Variants in TPGS2 observed in about 807,000 individuals in gnomAD.
TPGS2 encodes the protein polyglutamylase subunit 2.
TPGS2 carries 26 observed loss-of-function variants against 31.1 expected under a neutral mutation model. That is an observed-to-expected ratio of 0.84 (90% CI 0.61 to 1.16). TPGS2 has a LOEUF of 1.16. Among genes scored for constraint, TPGS2 ranks in the 50% most tolerant of loss-of-function variants. TPGS2 has a pLI of 0.00. For missense variants in TPGS2, 351 were observed against 363.8 expected, an observed-to-expected ratio of 0.96 and a Z score of 0.29; for synonymous variants, 130 against 136.6, an observed-to-expected ratio of 0.95 and a Z score of 0.34.
chr18:36,827,178 T>C (rs2046188542), intron 1 of TPGS2, among the ~76,000 whole-genome samples: 1 of 152,116 alleles, frequency 6.6e-6, no homozygotes, highest in Non-Finnish European at 1.5e-5. Context: ...ATTAATTGAT[T>C]TTCATATGTT....
In TPGS2 at chr18:36,828,773, G is replaced by C. The variant is rs372716752; in HGVS notation, c.-6C>G. On this transcript the variant is annotated 5_prime_UTR_variant, in exon 1 of 7. Coordinates refer to ENST00000334295, the MANE Select transcript of TPGS2 (RefSeq NM_015476.4). ...GACGATGCCTCCTCCTCCATGGCTC[G>C]CGACCGCGATTCGCGCGCGGCGGGA... The C allele has an allele frequency of 2.5e-6, 4 of 1,612,670 alleles. No individual in the cohort carries two copies. In the Admixed American group the frequency reaches 5.0e-5, roughly 20 times the overall value.
chr18:36,794,446 C>A lies in TPGS2; in HGVS notation c.*2359G>T, dbSNP rs1006205437. ...GACACCGCTGACCTCCTGGTTCCTC[C>A]GCTGCTTCACTTGTGGAATCCAGGG... On this transcript the variant is annotated 3_prime_UTR_variant, in exon 7 of 7. Coordinates refer to ENST00000334295, the MANE Select transcript of TPGS2 (RefSeq NM_015476.4). The A allele has an allele frequency of 2.0e-6, 2 of 985,454 alleles. No homozygotes were observed. The highest frequency in any genetic ancestry group is 2.3e-4 in the East Asian group (2 of 8,800). 61.0% of individuals were successfully genotyped at this position (985,454 alleles called of 1,614,324 possible).
chr18:36,793,085 G>A (rs1383381030), downstream of TPGS2, among the ~76,000 whole-genome samples: 1 of 152,172 alleles, frequency 6.6e-6, no homozygotes, highest in Non-Finnish European at 1.5e-5. Context: ...AGCTTCATGG[G>A]TGGGTGACCT....
Position 36,796,348 on chromosome 18 carries a change from T to A in TPGS2, c.*457A>T. The A allele has an allele frequency of 1.0e-6, 1 of 974,544 alleles. No individual in the cohort carries two copies. The highest frequency in any genetic ancestry group is 4.8e-5 in the South Asian group (1 of 21,024). The allele number at this position is 974,544 out of a possible 1,614,324, so 60.4% of individuals were successfully genotyped here. On this transcript the variant is annotated 3_prime_UTR_variant, in exon 7 of 7. Transcript: ENST00000334295. Reference sequence around the variant, plus strand: ...CAGAATCTACCAGCCACATGAATACTCAAAATGTGGCTAATGCAATTGAAG... The same window carrying A: ...CAGAATCTACCAGCCACATGAATACACAAAATGTGGCTAATGCAATTGAAG...
At chr18:36,815,036 AT>A (rs1232291559) in intron 2 of TPGS2, among the ~76,000 whole-genome samples, 2 of 152,186 alleles carry the variant, frequency 1.3e-5, no homozygotes, top group East Asian at 3.9e-4. Flanking sequence ...ATCTGAATGT[AT>A]TTATGCAGCT....
rs60958340 is a variant in TPGS2 at position 36,794,832 on chromosome 18, A to AACACACACACACACACACACACACACAC, written c.*1945_*1972dup. ...TATGTGACAGTCATGTTATGGTTAA[A>AACACACACACACACACACACACACACAC]ACACACACACACACACACACACACA... On this transcript the variant is annotated 3_prime_UTR_variant, in exon 7 of 7. Transcript: ENST00000334295. The AACACACACACACACACACACACACACAC allele has an allele frequency of 1.3e-6, 1 of 760,022 alleles. No individual in the cohort carries two copies. The highest frequency in any genetic ancestry group is 2.0e-5 in the African/African-American group (1 of 48,960). 47.1% of individuals were successfully genotyped at this position (760,022 alleles called of 1,614,324 possible).
Position 36,794,996 on chromosome 18 carries a change from C to A in TPGS2, c.*1809G>T. On this transcript the variant is annotated 3_prime_UTR_variant, in exon 7 of 7. Coordinates refer to ENST00000334295, the MANE Select transcript of TPGS2 (RefSeq NM_015476.4). ...GTTAATACGAAGCTCAGTTTATGCT[C>A]CCAAAGACTCTTAAGCGCTGATATT... 1.0e-6 allele frequency: 1 copy of A among 985,330 alleles called. No homozygotes were observed. Among genetic ancestry groups the A allele is most frequent in the Non-Finnish European group, 1.2e-6 (1 of 829,936 alleles). The allele number at this position is 985,330 out of a possible 1,614,324, so 61.0% of individuals were successfully genotyped here.
At position 36,799,876 on chromosome 18, in the gene TPGS2, T is replaced by C. The variant is rs2044719461; in HGVS notation, c.496+322A>G. Reference sequence around the variant, plus strand: ...TAGAAGTATAAAAGATAATGTGTTTTCTGGATGCTTATCTAGTACATGAAC... The same window carrying C: ...TAGAAGTATAAAAGATAATGTGTTTCCTGGATGCTTATCTAGTACATGAAC... On this transcript the variant is annotated intron_variant, in intron 5 of 6. Coordinates refer to ENST00000334295, the MANE Select transcript of TPGS2 (RefSeq NM_015476.4). 2.8e-5 allele frequency among the ~76,000 whole-genome samples: 4 copies of C among 145,098 alleles called. No homozygotes were observed. In the South Asian group the frequency reaches 8.7e-4, roughly 32 times the overall value.
chr18:36,828,603 C>A, intron 1 of TPGS2, 80 bp downstream of exon 1: 1 of 1,501,172 alleles, frequency 6.7e-7, no homozygotes, highest in South Asian at 1.2e-5. Flanking sequence ...CAGCGTCGCA[C>A]CGCTCACCCC....
chr18:36,807,829 A>G lies in TPGS2; in HGVS notation c.253+18T>C. 1 of 1,612,148 alleles carries G rather than the reference A, an allele frequency of 6.2e-7. No homozygotes were observed. The highest frequency in any genetic ancestry group is 8.5e-7 in the Non-Finnish European group (1 of 1,178,356). On this transcript the variant is annotated intron_variant, in intron 3 of 6. Transcript: ENST00000334295. ...CTCTCAGCCAGGGAAATGTTCTCCT[A>G]CAAGGAGGCTGACTCACCATCCAGC... is the stretch of plus-strand genomic sequence containing the variant.
In TPGS2 at chr18:36,796,064, T is replaced by C. The variant is rs1423382029; in HGVS notation, c.*741A>G. 4.1e-6 allele frequency: 4 copies of C among 985,416 alleles called. No individual in the cohort carries two copies. In the African/African-American group the frequency reaches 7.0e-5, roughly 17 times the overall value. The allele number at this position is 985,416 out of a possible 1,614,324, so 61.0% of individuals were successfully genotyped here. A position where few individuals can be genotyped will look rare whatever the true frequency, so the allele number is the denominator to read the frequency against. On this transcript the variant is annotated 3_prime_UTR_variant, in exon 7 of 7. Coordinates refer to ENST00000334295, the MANE Select transcript of TPGS2 (RefSeq NM_015476.4). ...CAAAACTGGAAGCAAGAAACTTCAC[T>C]GGAAACTGATGAGGAAGACAAACTT... is the stretch of plus-strand genomic sequence containing the variant.
At chr18:36,810,350 C>A (rs763543847) in intron 2 of TPGS2, among the ~76,000 whole-genome samples, 25 of 152,084 alleles carry the variant, frequency 1.6e-4, no homozygotes, top group Non-Finnish European at 8.8e-5. Flanking sequence ...CGTATCTCAC[C>A]ATTTTTTTTT....
intron 2 of TPGS2, among the ~76,000 whole-genome samples, chr18:36,809,545 A>G (rs1304298323): frequency 2.0e-5 from 3 of 152,182 alleles, no homozygotes. Flanking sequence ...TTGTTTTCCT[A>G]TTATTAGGAG....
At chr18:36,809,977 T>A (rs11665195) in intron 2 of TPGS2, among the ~76,000 whole-genome samples, 18,426 of 152,256 alleles carry the variant, frequency 0.12, 1,384 homozygotes, top group Admixed American at 0.17. Context: ...TTACAATTAT[T>A]CAAAATTCAT....
intron 2 of TPGS2, among the ~76,000 whole-genome samples, chr18:36,816,974 A>G (rs2045685260): frequency 6.6e-6 from 1 of 152,226 alleles, no homozygotes; most frequent in Admixed American, 6.5e-5. Context: ...GTCCTCCATC[A>G]TATCTTTTCT....
At chr18:36,825,030 T>C (rs959007627) in intron 1 of TPGS2, among the ~76,000 whole-genome samples, 4 of 152,176 alleles carry the variant, frequency 2.6e-5, no homozygotes, top group African/African-American at 7.2e-5. Context: ...AATTTTTGTA[T>C]ATAATTTGAG....
intron 1 of TPGS2, among the ~76,000 whole-genome samples, chr18:36,821,285 G>A (rs1003699148): frequency 7.2e-5 from 11 of 152,100 alleles, no homozygotes; most frequent in African/African-American, 4.8e-5. Context: ...AGTACTGAGG[G>A]GGGCAGACAT....
At chr18:36,823,201 T>C (rs574010837) in intron 1 of TPGS2, among the ~76,000 whole-genome samples, 17 of 152,186 alleles carry the variant, frequency 1.1e-4, no homozygotes, top group Non-Finnish European at 1.5e-4. Context: ...GGTGTGCTGA[T>C]AGGTATTTTA....
chr18:36,809,811 C>T (rs1218572277), intron 2 of TPGS2, among the ~76,000 whole-genome samples: 4 of 152,224 alleles, frequency 2.6e-5, no homozygotes, highest in African/African-American at 9.6e-5. Flanking sequence ...AATGGGGATT[C>T]CATGAGATCC....
Sources: gnomAD v4.1 joint callset for allele counts (sites outside exome capture counted in the v4.1 genomes callset) on GRCh38, gnomAD v4.1.1 for gene constraint, MANE v1.5 for transcripts, NCBI Gene and HGNC (gene_info 2026-07-23, HGNC 2026-07-21) for gene names.